ATP2C2: variants seen among roughly 807,000 people sequenced by gnomAD.
The protein encoded by ATP2C2 is ATPase secretory pathway Ca2+ transporting 2.
A neutral mutation model predicts 110.8 loss-of-function variants in ATP2C2; 171 were observed. The ratio of observed to expected loss-of-function variants is 1.54; its 90% confidence interval spans 1.36 to 1.75. The LOEUF (loss-of-function observed/expected upper bound fraction) is 1.75. Ranked by LOEUF, ATP2C2 falls within the 40% of genes most tolerant of loss-of-function variation. ATP2C2 has a pLI of 0.00. For synonymous variants in ATP2C2, 804 were observed against 508.4 expected (o/e 1.58, Z -7.82); for missense variants, 1,963 against 1,235.0 (o/e 1.59, Z -8.84).
intron 11 of ATP2C2, among the ~76,000 whole-genome samples, chr16:84,437,454 G>T (rs1043410028): frequency 2.0e-5 from 3 of 152,018 alleles, no homozygotes; most frequent in Non-Finnish European, 4.4e-5. Flanking sequence ...CAAATGATCT[G>T]CCAGTGTGAT....
chr16:84,446,405 C>T lies in ATP2C2; in HGVS notation c.1478C>T (p.Ala493Val), dbSNP rs531822897. The T allele has an allele frequency of 1.6e-5, 26 of 1,603,856 alleles. No individual in the cohort carries two copies. Among genetic ancestry groups the T allele is most frequent in the South Asian group, 4.5e-5 (4 of 88,944 alleles). The change falls in exon 16 of 27, where the codon GCG (alanine) becomes GTG (valine). Residue 493 changes from alanine (A) to valine (V), a missense_variant. Physicochemically the swap from Ala to Val is moderately conservative, Grantham distance 64. Transcript: ENST00000262429. Reference protein sequence around the residue: ...IPFSSEQKWMAVKCSLKTEDQ... With the variant: ...IPFSSEQKWMVVKCSLKTEDQ... ...TTCAGTTCAGAGCAGAAGTGGATGG[C>T]GGTGAAATGCAGTCTGAAGACTGAG...
At chr16:84,431,599 C>T (rs781369141) in intron 11 of ATP2C2, among the ~76,000 whole-genome samples, 27 of 151,334 alleles carry the variant, frequency 1.8e-4, no homozygotes, top group Non-Finnish European at 3.4e-4. Flanking sequence ...GAAGGGTGTT[C>T]AGGCAGGGGG....
intron 15 of ATP2C2, among the ~76,000 whole-genome samples, chr16:84,444,178 A>C (rs865908800): frequency 2.7e-4 from 31 of 116,286 alleles, no homozygotes; most frequent in Non-Finnish European, 4.3e-4. Context: ...AAAAAAAAAA[A>C]AAAAAACAAA....
chr16:84,443,916 C>T (rs551291160), intron 15 of ATP2C2, among the ~76,000 whole-genome samples: 2 of 152,262 alleles, frequency 1.3e-5, no homozygotes, highest in Admixed American at 1.3e-4. Flanking sequence ...GCTCAAATCC[C>T]AGCACTTTAA....
At chr16:84,398,845 T>C (rs1905146129) in intron 2 of ATP2C2, among the ~76,000 whole-genome samples, 1 of 151,392 alleles carries the variant, frequency 6.6e-6, no homozygotes, top group East Asian at 1.9e-4. Context: ...TTTGAGACAC[T>C]CTGTGTACGC....
At position 84,398,588 on chromosome 16, in the gene ATP2C2, G is replaced by C; in HGVS notation, c.189G>C (p.Glu63Asp). The change falls in exon 2 of 27, where the codon GAG (glutamate) becomes GAC (aspartate). Residue 63 changes from glutamate (E) to aspartate (D), a missense_variant. Physicochemically the swap from Glu to Asp is conservative, Grantham distance 45. Coordinates refer to ENST00000262429, the MANE Select transcript of ATP2C2 (RefSeq NM_014861.4). ...AGGAAGCGTGCAAATGCCAGAAAGA[G>C]GATTTGGCCAGAGCGTTTTGTGTAA... ...PPKEACKCQK[E>D]DLARAFCVDL... 6.2e-7 allele frequency: 1 copy of C among 1,612,272 alleles called. No homozygotes were observed. Among genetic ancestry groups the C allele is most frequent in the Non-Finnish European group, 8.5e-7 (1 of 1,179,274 alleles).
Position 84,461,067 on chromosome 16 carries a change from T to C in ATP2C2, c.2481+266T>C, listed in dbSNP as rs572660709. 143 of 452,300 alleles carry C rather than the reference T, an allele frequency of 3.2e-4. 2 individuals carry two copies. In the South Asian group the frequency reaches 5.4e-3, roughly 17 times the overall value. 28.0% of individuals were successfully genotyped at this position (452,300 alleles called of 1,614,324 possible). A position where few individuals can be genotyped will look rare whatever the true frequency, so the allele number is the denominator to read the frequency against. On this transcript the variant is annotated intron_variant, in intron 24 of 26. Coordinates refer to ENST00000262429, the MANE Select transcript of ATP2C2 (RefSeq NM_014861.4). ...GACTTTGCCGAGACGGGAGTTGAAATGTACATGAGGACAGGCTGCCCCCTG... is the reference window on the plus strand; with the variant it reads ...GACTTTGCCGAGACGGGAGTTGAAACGTACATGAGGACAGGCTGCCCCCTG...
chr16:84,405,690 C>T (rs762176331), intron 3 of ATP2C2, among the ~76,000 whole-genome samples: 7 of 151,890 alleles, frequency 4.6e-5, no homozygotes, highest in African/African-American at 7.3e-5. Context: ...GCGGCTGAAG[C>T]GGGTGGATCA....
In ATP2C2 at chr16:84,460,825, G is replaced by C. The variant is rs766505114; in HGVS notation, c.2481+24G>C. The C allele has an allele frequency of 3.1e-6, 5 of 1,597,188 alleles. No homozygotes were observed. The African/African-American group carries it at 5.4e-5, about 17-fold the overall frequency. ...AGGTGAGCGAGGGTCACCCCGGCCT[G>C]TTCTCCAAGCCCTGGTGCGGTGCAG... On this transcript the variant is annotated intron_variant, in intron 24 of 26. Transcript: ENST00000262429.
intron 17 of ATP2C2, among the ~76,000 whole-genome samples, chr16:84,450,796 A>T (rs902240269): frequency 3.3e-5 from 5 of 152,110 alleles, no homozygotes; most frequent in African/African-American, 1.2e-4. Flanking sequence ...GAGTCCCCTC[A>T]GCTGGGTTGC....
intron 9 of ATP2C2, 92 bp downstream of exon 9, chr16:84,422,789 A>T: frequency 1.5e-6 from 2 of 1,296,636 alleles, no homozygotes; most frequent in South Asian, 1.4e-5. Context: ...CTCCTTAGGA[A>T]TGAGTGGCAT....
At chr16:84,379,926 GGAAT>G (rs1236769843) in intron 1 of ATP2C2, among the ~76,000 whole-genome samples, 54 of 152,274 alleles carry the variant, frequency 3.5e-4, no homozygotes, top group African/African-American at 1.3e-3. Flanking sequence ...GGGATGGGTG[GGAAT>G]GCTACTGTTA....
rs750698592 is a variant in ATP2C2 at position 84,461,980 on chromosome 16, C to T, written c.2581-8C>T. On this transcript the variant is annotated splice_polypyrimidine_tract_variant and splice_region_variant and intron_variant, in intron 25 of 26. Transcript: ENST00000262429. ...CACACAATCCCCCGTGTGACCTTCT[C>T]CCTGCAGACCAAGCTGATATTTGAG... is the stretch of plus-strand genomic sequence containing the variant. 105 of 1,612,510 alleles carry T rather than the reference C, an allele frequency of 6.5e-5. No homozygotes were observed. Among genetic ancestry groups the T allele is most frequent in the Non-Finnish European group, 8.4e-5 (99 of 1,178,898 alleles).
intron 1 of ATP2C2, among the ~76,000 whole-genome samples, chr16:84,383,337 G>A (rs72804653): frequency 0.073 from 11,115 of 152,288 alleles, 504 homozygotes; most frequent in Middle Eastern, 0.11. Flanking sequence ...CTCAAATCCA[G>A]GGCCTTGGTT....
intron 17 of ATP2C2, among the ~76,000 whole-genome samples, chr16:84,449,297 C>A (rs568333258): frequency 5.8e-4 from 88 of 152,340 alleles, no homozygotes; most frequent in African/African-American, 1.1e-3. Flanking sequence ...TGCTGGCAGG[C>A]TTGCTCAGAG....
chr16:84,390,839 C>T (rs1179055089), intron 1 of ATP2C2, among the ~76,000 whole-genome samples: 1 of 152,222 alleles, frequency 6.6e-6, no homozygotes, highest in East Asian at 1.9e-4. Flanking sequence ...GGGGGCCGGG[C>T]GCGGTGGCTC....
At position 84,459,382 on chromosome 16, in the gene ATP2C2, C is replaced by G; in HGVS notation, c.2329C>G (p.Gln777Glu). Reference protein sequence around the residue: ...INIIMDGPPAQSLGVEPVDKD... With the variant: ...INIIMDGPPAESLGVEPVDKD... ...CATCATCATGGATGGGCCACCGGCG[C>G]AGAGGTGAGGCAGGGCCGGCTGGGA... Residue 777 changes from glutamine (Q) to glutamate (E), a missense_variant, in exon 23 of 27, where the codon CAG (glutamine) becomes GAG (glutamate). Coordinates refer to ENST00000262429, the MANE Select transcript of ATP2C2 (RefSeq NM_014861.4). 6.2e-7 allele frequency: 1 copy of G among 1,614,028 alleles called. No homozygotes were observed. The highest frequency in any genetic ancestry group is 8.5e-7 in the Non-Finnish European group (1 of 1,179,894).
At chr16:84,454,645 T>A (rs1910618869) in intron 20 of ATP2C2, among the ~76,000 whole-genome samples, 173 bp from the exon 21 acceptor site, 1 of 152,128 alleles carries the variant, frequency 6.6e-6, no homozygotes, top group Non-Finnish European at 1.5e-5. Context: ...GAAACTGAGG[T>A]CAAGAGGGTC....
intron 11 of ATP2C2, among the ~76,000 whole-genome samples, chr16:84,434,707 G>A (rs947440233): frequency 1.4e-4 from 22 of 151,734 alleles, no homozygotes; most frequent in African/African-American, 5.3e-4. Flanking sequence ...TGGTAGAGAC[G>A]GGGTTTCAAC....
Sources: allele counts gnomAD v4.1 joint callset (sites outside exome capture counted in the v4.1 genomes callset), GRCh38; gene constraint gnomAD v4.1.1; transcripts MANE v1.5; gene names NCBI Gene and HGNC (gene_info 2026-07-23, HGNC 2026-07-21).